The following OR2T10 variants were observed in gnomAD, a reference collection of about 807,000 sequenced individuals.
The protein encoded by OR2T10 is olfactory receptor 2T10.
For missense variants in OR2T10, 335 were observed against 382.5 expected, an observed-to-expected ratio of 0.88 and a Z score of 1.04; for synonymous variants, 125 against 141.8, an observed-to-expected ratio of 0.88 and a Z score of 0.84.
rs778442591 is a variant in OR2T10, at chr1:248,593,678, T to G, written c.91A>C (p.Ile31Leu). The change falls in exon 2 of 2, where the codon ATC becomes CTC. Residue 31 changes from isoleucine (I) to leucine (L), a missense_variant. Ile to Leu is a conservative substitution (Grantham distance 5). Coordinates refer to ENST00000642090, the MANE Select transcript of OR2T10 (RefSeq NM_001004693.2). ...ISHPGRLCLL[I>L]FSIFLMAVSW... Reference sequence around the variant, plus strand: ...ACAGCCATCAAAAATATACTGAAGATAAGCAAGCAGAGGCGGCCAGGGTGT... The same window carrying G: ...ACAGCCATCAAAAATATACTGAAGAGAAGCAAGCAGAGGCGGCCAGGGTGT... 6.4e-7 allele frequency: 1 copy of G among 1,560,634 alleles called. No homozygotes were observed. The highest frequency in any genetic ancestry group is 1.1e-5 in the South Asian group (1 of 88,572).
intron 1 of OR2T10, among the ~76,000 whole-genome samples, chr1:248,597,128 T>TTC (rs1386628549): frequency 7.0e-6 from 1 of 143,696 alleles, no homozygotes; most frequent in Non-Finnish European, 1.5e-5. Flanking sequence ...TTTAGTTTAG[T>TTC]TCTCTTCTTT....
chr1:248,593,326 C>A lies in OR2T10; in HGVS notation c.443G>T (p.Cys148Phe). 6.4e-7 allele frequency: 1 copy of A among 1,573,374 alleles called. No homozygotes were observed. The highest frequency in any genetic ancestry group is 8.6e-7 in the Non-Finnish European group (1 of 1,157,034). Reference protein sequence around the residue: ...HRVCLLLASGCWFVGSVDGFM... With the variant: ...HRVCLLLASGFWFVGSVDGFM... ...GCCATCCACTGAGCCCACAAACCAG[C>A]AGCCTGATGCCAGGAGGAGACATAC... Residue 148 changes from cysteine to phenylalanine, a missense_variant, in exon 2 of 2, where the codon TGC (cysteine) becomes TTC (phenylalanine). Physicochemically the swap from Cys to Phe is radical, Grantham distance 205. Coordinates refer to ENST00000642090, the MANE Select transcript of OR2T10 (RefSeq NM_001004693.2).
rs372005341 is a variant in OR2T10, at chr1:248,596,273, A to C, written c.-29+1219T>G. Among the ~76,000 whole-genome samples the C allele has an allele frequency of 1.4e-4, 20 of 143,214 alleles. 1 individual carries two copies. The highest frequency in any genetic ancestry group is 6.0e-4 in the East Asian group (3 of 4,980). The allele number at this position is 143,214 out of a possible 152,430, so 94.0% of individuals were successfully genotyped here. A position where few individuals can be genotyped will look rare whatever the true frequency, so the allele number is the denominator to read the frequency against. ...ATGTCCGCTCCCAAAAATGGAGTCC[A>C]TTTAGGGACAGTGTCCAGGATAAGA... On this transcript the variant is annotated intron_variant, in intron 1 of 1. Coordinates refer to ENST00000642090, the MANE Select transcript of OR2T10 (RefSeq NM_001004693.2).
rs766937704 is a variant in OR2T10, at chr1:248,593,220, A to G, written c.549T>C (p.Ala183=). Residue 183 remains alanine, a synonymous_variant, in exon 2 of 2, where the codon GCT becomes GCC. Transcript: ENST00000642090. ...EIQHFFCEVP[A]VLKLSCSDTS... is the part of the protein sequence containing the mutation. ...TGTCTGAGCAAGAGAGCTTCAAAAC[A>G]GCAGGGACCTCACAGAAGAAGTGCT... The G allele has an allele frequency of 2.5e-6, 4 of 1,573,660 alleles. No homozygotes were observed. Among genetic ancestry groups the G allele is most frequent in the Admixed American group, 1.7e-5 (1 of 58,406 alleles).
At position 248,593,282 on chromosome 1, in the gene OR2T10, C is replaced by T. The variant is rs780052066; in HGVS notation, c.487G>A (p.Ala163Thr). The stretch of plus-strand genomic sequence containing the variant: ...GATCTGCAGAAGGGGAAGCTCATGG[C>T]GATGGGAGTGAGCATGAAGCCATCC... ...SVDGFMLTPI[A>T]MSFPFCRSHE... Residue 163 changes from alanine (A) to threonine (T), a missense_variant, in exon 2 of 2, where the codon GCC (alanine) becomes ACC (threonine). By Grantham distance (58) the Ala-to-Thr change is moderately conservative. Transcript: ENST00000642090. The T allele has an allele frequency of 4.7e-5, 74 of 1,573,030 alleles. 7 individuals carry two copies. The Middle Eastern group carries it at 6.7e-4, about 14-fold the overall frequency.
chr1:248,593,602 T>C lies in OR2T10; in HGVS notation c.167A>G (p.His56Arg). Residue 56 changes from histidine to arginine, a missense_variant, in exon 2 of 2, where the codon CAT becomes CGT. Transcript: ENST00000642090. The part of the protein sequence containing the change: ...ILLIHIDSSL[H>R]TPMYFFINQL... ...GTTTATAAAGAAGTACATGGGAGTA[T>C]GCAGAGAGGAGTCAATGTGGATCAG... 1 of 1,565,990 alleles carries C rather than the reference T, an allele frequency of 6.4e-7. No homozygotes were observed. Among genetic ancestry groups the C allele is most frequent in the Non-Finnish European group, 8.7e-7 (1 of 1,152,426 alleles).
intron 1 of OR2T10, among the ~76,000 whole-genome samples, chr1:248,594,090 G>A (rs1572089140): frequency 1.5e-5 from 2 of 135,080 alleles, no homozygotes; most frequent in Admixed American, 7.0e-5. Flanking sequence ...TTCACATTTT[G>A]TGTGTGTTAG....
chr1:248,593,094 G>T lies in OR2T10; in HGVS notation c.675C>A (p.Ile225=), dbSNP rs1247581320. 6.4e-7 allele frequency: 1 copy of T among 1,572,530 alleles called. No individual in the cohort carries two copies. Among genetic ancestry groups the T allele is most frequent in the Non-Finnish European group, 8.6e-7 (1 of 1,156,420 alleles). Residue 225 remains isoleucine, a synonymous_variant, in exon 2 of 2, where the codon ATC becomes ATA. Transcript: ENST00000642090. The part of the protein sequence containing the change: ...SVSYYYIILT[I]HKMNSVEGRK... ...GACCCTCAACTGAGTTCATCTTATG[G>T]ATGGTGAGGATGATATAGTAGTAAG...
chr1:248,596,510 CCA>C lies in OR2T10; in HGVS notation c.-29+980_-29+981del, dbSNP rs1320532743. On this transcript the variant is annotated intron_variant, in intron 1 of 1. Coordinates refer to ENST00000642090, the MANE Select transcript of OR2T10 (RefSeq NM_001004693.2). Reference sequence around the variant, plus strand: ...CCATGTAGTTCAAGCTACCGTTCTTCCACAGACACTGAAACAAGGGGACTGAG... The same window carrying C: ...CCATGTAGTTCAAGCTACCGTTCTTCCAGACACTGAAACAAGGGGACTGAG... 4.2e-5 allele frequency among the ~76,000 whole-genome samples: 6 copies of C among 143,002 alleles called. 1 individual carries two copies. The highest frequency in any genetic ancestry group is 8.3e-5 in the African/African-American group (3 of 36,176). 93.8% of individuals were successfully genotyped at this position (143,002 alleles called of 152,430 possible).
Position 248,591,830 on chromosome 1 carries a change from A to AGCCTT in OR2T10, c.*999_*1000insAAGGC, listed in dbSNP as rs1660003713. On this transcript the variant is annotated 3_prime_UTR_variant, in exon 2 of 2. Transcript: ENST00000642090. Reference sequence around the variant, plus strand: ...CAAACCCATGGGTTTCAGTTAAATCAACTGTAGAATAAGGCTAATAATAGG... The same window carrying AGCCTT: ...CAAACCCATGGGTTTCAGTTAAATCAGCCTTACTGTAGAATAAGGCTAATAATAGG... 3 of 144,180 alleles carry AGCCTT rather than the reference A, an allele frequency of 2.1e-5. No individual in the cohort carries two copies. Among genetic ancestry groups the AGCCTT allele is most frequent in the Non-Finnish European group, 4.5e-5 (3 of 66,408 alleles). The allele number at this position is 144,180 out of a possible 1,614,324, so 8.9% of individuals were successfully genotyped here.
At chr1:248,595,376 T>C (rs1233675327) in intron 1 of OR2T10, among the ~76,000 whole-genome samples, 1 of 143,774 alleles carries the variant, frequency 7.0e-6, no homozygotes, top group African/African-American at 2.7e-5. Context: ...CATTGTAATG[T>C]ACACTTTATA....
At position 248,593,719 on chromosome 1, in the gene OR2T10, A is replaced by ATTC; in HGVS notation, c.47_49dup (p.Gly16_Ile17insArg). On this transcript the variant is annotated inframe_insertion, in exon 2 of 2. Transcript: ENST00000642090. ...GCCAGGGTGTGAGATCTGGCTGAAG[A>ATTC]TTCCCAACAGGAAAAAGTCACCACC... 1 of 1,566,980 alleles carries ATTC rather than the reference A, an allele frequency of 6.4e-7. No individual in the cohort carries two copies. The highest frequency in any genetic ancestry group is 1.1e-5 in the South Asian group (1 of 88,668).
rs764778878 is a variant in OR2T10, at chr1:248,590,793, C to G, written c.*2037G>C. 7.0e-6 allele frequency: 1 copy of G among 143,412 alleles called. No individual in the cohort carries two copies. The highest frequency in any genetic ancestry group is 1.5e-5 in the Non-Finnish European group (1 of 66,336). 8.9% of individuals were successfully genotyped at this position (143,412 alleles called of 1,614,324 possible). A position where few individuals can be genotyped will look rare whatever the true frequency, so the allele number is the denominator to read the frequency against. Reference sequence around the variant, plus strand: ...ATTTACTAAAGTTTAACACAAATTACTACCTCTACTACATCAATATTGATA... The same window carrying G: ...ATTTACTAAAGTTTAACACAAATTAGTACCTCTACTACATCAATATTGATA... On this transcript the variant is annotated 3_prime_UTR_variant, in exon 2 of 2. Transcript: ENST00000642090.
intron 1 of OR2T10, among the ~76,000 whole-genome samples, chr1:248,594,514 T>G (rs1323122566): frequency 7.0e-6 from 1 of 143,524 alleles, no homozygotes; most frequent in Non-Finnish European, 1.5e-5. Flanking sequence ...TGTGAGTTAT[T>G]TATTCATATT....
rs1370335963 is a variant in OR2T10 at position 248,591,981 on chromosome 1, A to G, written c.*849T>C. 2 of 144,234 alleles carry G rather than the reference A, an allele frequency of 1.4e-5. No individual in the cohort carries two copies. The highest frequency in any genetic ancestry group is 5.4e-5 in the African/African-American group (2 of 36,848). The allele number at this position is 144,234 out of a possible 1,614,324, so 8.9% of individuals were successfully genotyped here. A position where few individuals can be genotyped will look rare whatever the true frequency, so the allele number is the denominator to read the frequency against. The stretch of plus-strand genomic sequence containing the variant: ...ACAAATACAACCATGCACATACGTA[A>G]AACTGTGATTTGAAATTATATTCTA... On this transcript the variant is annotated 3_prime_UTR_variant, in exon 2 of 2. Coordinates refer to ENST00000642090, the MANE Select transcript of OR2T10 (RefSeq NM_001004693.2).
Position 248,592,873 on chromosome 1 carries a change from C to G in OR2T10, c.896G>C (p.Arg299Thr). Residue 299 changes from arginine to threonine, a missense_variant, in exon 2 of 2, where the codon AGG becomes ACG. Coordinates refer to ENST00000642090, the MANE Select transcript of OR2T10 (RefSeq NM_001004693.2). ...CACGCTCAGCATTTTTTTCAAAGCC[C>G]TTGTGACATCCTTATTCCTGAAACT... Reference protein sequence around the residue: ...IYSFRNKDVTRALKKMLSVQK... With the variant: ...IYSFRNKDVTTALKKMLSVQK... The G allele has an allele frequency of 6.4e-7, 1 of 1,564,534 alleles. No individual in the cohort carries two copies. Among genetic ancestry groups the G allele is most frequent in the Non-Finnish European group, 8.7e-7 (1 of 1,152,082 alleles).
chr1:248,593,262 G>A lies in OR2T10; in HGVS notation c.507C>T (p.Cys169=). 6.4e-7 allele frequency: 1 copy of A among 1,573,672 alleles called. No individual in the cohort carries two copies. Among genetic ancestry groups the A allele is most frequent in the Non-Finnish European group, 8.6e-7 (1 of 1,157,016 alleles). The change falls in exon 2 of 2, where the codon TGC becomes TGT. Residue 169 remains cysteine (C), a synonymous_variant. Transcript: ENST00000642090. ...LTPIAMSFPF[C]RSHEIQHFFC... is the part of the protein sequence containing the mutation. The stretch of plus-strand genomic sequence containing the variant: ...AGAAGTGCTGAATCTCATGGGATCT[G>A]CAGAAGGGGAAGCTCATGGCGATGG...
rs1220991899 is a variant in OR2T10, at chr1:248,590,750, T to C, written c.*2080A>G. 7.0e-6 allele frequency: 1 copy of C among 143,400 alleles called. No individual in the cohort carries two copies. The highest frequency in any genetic ancestry group is 1.5e-5 in the Non-Finnish European group (1 of 66,296). The allele number at this position is 143,400 out of a possible 1,614,324, so 8.9% of individuals were successfully genotyped here. A position where few individuals can be genotyped will look rare whatever the true frequency, so the allele number is the denominator to read the frequency against. ...CTTGTTTTGGCGTTTACTATAAACA[T>C]TACAGCATGTACTCTTGATTTACTA... is the stretch of plus-strand genomic sequence containing the variant. On this transcript the variant is annotated 3_prime_UTR_variant, in exon 2 of 2. Coordinates refer to ENST00000642090, the MANE Select transcript of OR2T10 (RefSeq NM_001004693.2).
intron 1 of OR2T10, chr1:248,595,020 T>C (rs1460552714): frequency 7.0e-6 from 1 of 143,310 alleles, no homozygotes; most frequent in Non-Finnish European, 1.5e-5. Context: ...GAGATAACTA[T>C]CTTCAGATCA....
Sources: allele counts gnomAD v4.1 joint callset (sites outside exome capture counted in the v4.1 genomes callset), GRCh38; gene constraint gnomAD v4.1.1; transcripts MANE v1.5; gene names NCBI Gene and HGNC (gene_info 2026-07-23, HGNC 2026-07-21).